Variants in CSMD2 observed in about 807,000 individuals in gnomAD.
CSMD2 encodes CUB and Sushi multiple domains 2.
CSMD2 carries 130 observed loss-of-function variants against 398.5 expected under a neutral mutation model. That is an observed-to-expected ratio of 0.33 (90% confidence interval 0.28 to 0.38). The LOEUF is 0.38. CSMD2 is among the 10% of genes least tolerant of loss of function. The pLI is 1.00. For missense variants in CSMD2, 3,829 were observed against 4,764.9 expected (o/e 0.80, Z 5.78); for synonymous variants, 1,828 against 1,908.5 (o/e 0.96, Z 1.10).
intron 19 of CSMD2, among the ~76,000 whole-genome samples, chr1:33,719,894 A>C (rs1646300783): frequency 6.6e-6 from 1 of 152,162 alleles, no homozygotes; most frequent in Non-Finnish European, 1.5e-5. Context: ...CCTTTGCTCA[A>C]CTCATCTAAC....
intron 1 of CSMD2, among the ~76,000 whole-genome samples, chr1:34,149,198 C>T (rs1378869161): frequency 3.3e-5 from 5 of 152,164 alleles, no homozygotes; most frequent in Non-Finnish European, 5.9e-5. Context: ...CCCTTGGGTC[C>T]TCACTGGGAC....
chr1:33,918,007 G>T, intron 5 of CSMD2, 87 bp downstream of exon 5: 1 of 1,245,158 alleles, frequency 8.0e-7, no homozygotes. Context: ...TCTGGCTGCA[G>T]GTCCAGGCAC....
intron 66 of CSMD2, among the ~76,000 whole-genome samples, chr1:33,524,369 T>C (rs915504890): frequency 6.6e-6 from 1 of 152,228 alleles, no homozygotes; most frequent in African/African-American, 2.4e-5. Flanking sequence ...ATGGGTCCAA[T>C]CATTTTCAAG....
At chr1:33,524,263 T>C (rs1231179301) in intron 66 of CSMD2, among the ~76,000 whole-genome samples, 1 of 152,232 alleles carries the variant, frequency 6.6e-6, no homozygotes, top group African/African-American at 2.4e-5. Flanking sequence ...AGTTTTTATA[T>C]ACTACAAATG....
chr1:33,792,401 C>G (rs1240084428), intron 11 of CSMD2, 22 bp downstream of exon 11: 4 of 1,572,972 alleles, frequency 2.5e-6, no homozygotes, highest in Non-Finnish European at 3.5e-6. Flanking sequence ...ACCTTCCAAA[C>G]AACATGCCCC....
chr1:33,714,592 C>A lies in CSMD2; in HGVS notation c.3401G>T (p.Cys1134Phe). The A allele has an allele frequency of 6.2e-7, 1 of 1,613,696 alleles. No individual in the cohort carries two copies. Among genetic ancestry groups the A allele is most frequent in the Non-Finnish European group, 8.5e-7 (1 of 1,179,898 alleles). The change falls in exon 21 of 71, where the codon TGT (cysteine) becomes TTT (phenylalanine). Residue 1134 changes from cysteine (C) to phenylalanine (F), a missense_variant. Cys to Phe is a radical substitution (Grantham distance 205, BLOSUM62 -2). Transcript: ENST00000373381. ...GAAAGCACGTGACCACCTACCAACA[C>A]ACCTTGGCAGAGGCGAGCTCCACAG... ...RRLWSSPLPR[C>F]VAECGNSVTG...
At chr1:33,562,556 T>C (rs188136692) in intron 53 of CSMD2, among the ~76,000 whole-genome samples, 1 of 152,174 alleles carries the variant, frequency 6.6e-6, no homozygotes, top group Non-Finnish European at 1.5e-5. Flanking sequence ...GCAATTAGTG[T>C]AGGCAACCGT....
chr1:33,891,340 C>T (rs1007954879), intron 5 of CSMD2, among the ~76,000 whole-genome samples: 1 of 150,778 alleles, frequency 6.6e-6, no homozygotes, highest in Non-Finnish European at 1.5e-5. Flanking sequence ...AAATCAAAAC[C>T]ACAATGAGAT....
intron 5 of CSMD2, among the ~76,000 whole-genome samples, chr1:33,855,722 C>G (rs1639036670): frequency 6.6e-6 from 1 of 152,134 alleles, no homozygotes; most frequent in South Asian, 2.1e-4. Context: ...TGGCAGCCTC[C>G]ATGCTCTAGG....
intron 5 of CSMD2, chr1:33,861,022 C>G (rs1361389330): frequency 6.6e-6 from 1 of 152,228 alleles, no homozygotes; most frequent in African/African-American, 2.4e-5. Context: ...CTACCTTCAT[C>G]TGAATTCACT....
chr1:33,855,618 C>G (rs894656670), intron 5 of CSMD2, among the ~76,000 whole-genome samples: 1 of 152,164 alleles, frequency 6.6e-6, no homozygotes, highest in Non-Finnish European at 1.5e-5. Context: ...TCCACTCTGA[C>G]CAGCTGCTGA....
chr1:33,945,017 C>A (rs1191918205), intron 3 of CSMD2, among the ~76,000 whole-genome samples: 1 of 150,892 alleles, frequency 6.6e-6, no homozygotes, highest in African/African-American at 2.5e-5. Flanking sequence ...TTCCTCCAAC[C>A]TAGACTAGCT....
At chr1:34,026,251 G>A (rs529721564) in intron 3 of CSMD2, among the ~76,000 whole-genome samples, 10 of 152,290 alleles carry the variant, frequency 6.6e-5, no homozygotes, top group Non-Finnish European at 1.0e-4. Context: ...GATTCCAGGT[G>A]TCTGAATTCA....
At chr1:33,935,219 C>A (rs1382661199) in intron 4 of CSMD2, among the ~76,000 whole-genome samples, 1 of 151,906 alleles carries the variant, frequency 6.6e-6, no homozygotes, top group African/African-American at 2.4e-5. Flanking sequence ...AGTTGGTCAA[C>A]CTAGCTGGGA....
chr1:34,029,069 C>G (rs12733036), intron 3 of CSMD2, among the ~76,000 whole-genome samples: 15,316 of 152,158 alleles, frequency 0.1, 847 homozygotes, highest in East Asian at 0.19. Flanking sequence ...GAGGAGCTAC[C>G]AAGAGCAGGG....
chr1:34,094,325 C>T (rs1392685373), intron 1 of CSMD2, among the ~76,000 whole-genome samples: 5 of 152,056 alleles, frequency 3.3e-5, no homozygotes, highest in African/African-American at 4.8e-5. Context: ...TAACGACCAT[C>T]GAGACTAGGA....
At chr1:33,984,169 A>C (rs917885475) in intron 3 of CSMD2, among the ~76,000 whole-genome samples, 2 of 151,770 alleles carry the variant, frequency 1.3e-5, no homozygotes, top group African/African-American at 2.4e-5. Context: ...ACCAAAAAAA[A>C]AAAAGGACAA....
At chr1:33,703,655 G>A (rs1045363792) in intron 22 of CSMD2, among the ~76,000 whole-genome samples, 11 of 152,138 alleles carry the variant, frequency 7.2e-5, no homozygotes, top group Non-Finnish European at 1.5e-4. Flanking sequence ...CTGCATGTCC[G>A]CTTGCACACG....
At chr1:33,836,215 C>A (rs545226059) in intron 6 of CSMD2, among the ~76,000 whole-genome samples, 4 of 152,164 alleles carry the variant, frequency 2.6e-5, no homozygotes, top group Non-Finnish European at 4.4e-5. Context: ...CCTGATCGTT[C>A]GTCTGGAAGT....
Sources: allele counts gnomAD v4.1 joint callset (sites outside exome capture counted in the v4.1 genomes callset), GRCh38; gene constraint gnomAD v4.1.1; transcripts MANE v1.5; gene names NCBI Gene and HGNC (gene_info 2026-07-23, HGNC 2026-07-21).